Variants in IL12A observed in about 807,000 individuals in gnomAD.
IL12A encodes interleukin 12A.
In IL12A, 16 loss-of-function variants were observed where a neutral mutation model predicts 23.5. The observed-to-expected ratio is 0.68, with a 90% CI of 0.46 to 1.03. The LOEUF is 1.03. IL12A is among the 50% of genes least tolerant of loss of function. The probability of loss-of-function intolerance (pLI) is 0.00; values close to 1 mark genes in which losing one functional copy is unlikely to be tolerated. For synonymous variants in IL12A, 106 were observed against 111.5 expected, an observed-to-expected ratio of 0.95 and a Z score of 0.31; for missense variants, 275 against 307.0, an observed-to-expected ratio of 0.90 and a Z score of 0.78.
Position 159,989,151 on chromosome 3 carries a change from G to A in IL12A, c.95G>A (p.Arg32Gln), listed in dbSNP as rs1720209269. Residue 32 changes from arginine to glutamine, a missense_variant, in exon 1 of 7, where the codon CGG becomes CAG. Physicochemically the swap from Arg to Gln is conservative, Grantham distance 43. Transcript: ENST00000305579. The stretch of plus-strand genomic sequence containing the variant: ...GCTCGCCCTGTGTCCCTGCAGTGCC[G>A]GCTCAGCATGTGTCCAGCGCGCAGT... The A allele has an allele frequency of 1.2e-6, 2 of 1,611,938 alleles. No individual in the cohort carries two copies. The highest frequency in any genetic ancestry group is 1.7e-6 in the Non-Finnish European group (2 of 1,179,526).
chr3:159,995,462 T>G lies in IL12A; in HGVS notation c.665T>G (p.Phe222Cys). 6.2e-7 allele frequency: 1 copy of G among 1,607,826 alleles called. No homozygotes were observed. The highest frequency in any genetic ancestry group is 8.5e-7 in the Non-Finnish European group (1 of 1,177,560). ...AAATCCTCCCTTGAAGAACCGGATT[T>G]TTATAAAACTAAAATCAAGCTCTGC... The change falls in exon 7 of 7, where the codon TTT (phenylalanine) becomes TGT (cysteine). Residue 222 changes from phenylalanine (F) to cysteine (C), a missense_variant. By Grantham distance (205) the Phe-to-Cys change is radical (BLOSUM62 -2). Transcript: ENST00000305579.
rs775848039 is a variant in IL12A at position 159,995,573 on chromosome 3, T to G, written c.*14T>G. 1 of 1,553,134 alleles carries G rather than the reference T, an allele frequency of 6.4e-7. No homozygotes were observed. Among genetic ancestry groups the G allele is most frequent in the Admixed American group, 2.1e-5 (1 of 47,822 alleles). The stretch of plus-strand genomic sequence containing the variant: ...AATGCTTCCTAAAAAGCGAGGTCCC[T>G]CCAAACCGTTGTCATTTTTATAAAA... On this transcript the variant is annotated 3_prime_UTR_variant, in exon 7 of 7. Coordinates refer to ENST00000305579, the MANE Select transcript of IL12A (RefSeq NM_000882.4).
intron 2 of IL12A, among the ~76,000 whole-genome samples, chr3:159,991,641 T>G (rs1352066360): frequency 2.0e-5 from 3 of 152,190 alleles, no homozygotes; most frequent in African/African-American, 7.2e-5. Context: ...TGACACAAAT[T>G]TATTATCTTA....
chr3:159,993,174 C>T, intron 3 of IL12A, 49 bp downstream of exon 3: 1 of 1,014,508 alleles, frequency 9.9e-7, no homozygotes. Flanking sequence ...AAAAACTGTG[C>T]ATCAAATCTC....
At chr3:159,989,229 C>T in intron 1 of IL12A, 55 bp downstream of exon 1, 1 of 1,416,968 alleles carries the variant, frequency 7.1e-7, no homozygotes, top group East Asian at 2.3e-5. Context: ...GGGGCGGCTG[C>T]TTGGGAAGAG....
At chr3:159,990,719 G>A (rs528540465) in intron 2 of IL12A, among the ~76,000 whole-genome samples, 1 of 152,160 alleles carries the variant, frequency 6.6e-6, no homozygotes. Flanking sequence ...AGATGAAATA[G>A]CCTTGTCCCT....
intron 6 of IL12A, among the ~76,000 whole-genome samples, chr3:159,994,561 T>C (rs1720428896): frequency 6.7e-6 from 1 of 150,034 alleles, no homozygotes; most frequent in African/African-American, 2.5e-5. Flanking sequence ...AAAGTAATTG[T>C]TTTACTTTTA....
intron 2 of IL12A, 64 bp from the exon 3 acceptor site, chr3:159,992,948 G>A (rs1720368076): frequency 2.0e-6 from 2 of 979,110 alleles, no homozygotes; most frequent in African/African-American, 1.6e-5. Flanking sequence ...TGGCTTACCA[G>A]CCTTGTGGGG....
chr3:159,991,671 T>A (rs897431667), intron 2 of IL12A, among the ~76,000 whole-genome samples: 3 of 152,172 alleles, frequency 2.0e-5, no homozygotes, highest in African/African-American at 7.2e-5. Context: ...GCATCAGAAG[T>A]CCAAAATGGG....
At chr3:159,989,275 G>C (rs1720217923) in intron 1 of IL12A, 101 bp downstream of exon 1, 3 of 871,782 alleles carry the variant, frequency 3.4e-6, no homozygotes, top group South Asian at 2.9e-5. Flanking sequence ...GGAGAGACTG[G>C]AACAGCAGCA....
chr3:159,995,757 G>A lies in IL12A; in HGVS notation c.*198G>A, dbSNP rs977550602. 3.9e-5 allele frequency: 15 copies of A among 386,950 alleles called. No homozygotes were observed. The highest frequency in any genetic ancestry group is 6.4e-5 in the Non-Finnish European group (14 of 219,666). 24.0% of individuals were successfully genotyped at this position (386,950 alleles called of 1,614,324 possible). ...GTTTTCATGAATGAATTGCTAAGAA[G>A]GGAAAATATCCATCCTGAAGGTGTT... On this transcript the variant is annotated 3_prime_UTR_variant, in exon 7 of 7. Transcript: ENST00000305579.
chr3:159,994,578 TCGTGTG>T (rs1209010471), intron 6 of IL12A, among the ~76,000 whole-genome samples: 1 of 90,534 alleles, frequency 1.1e-5, no homozygotes, highest in African/African-American at 4.6e-5. Flanking sequence ...TTTATTCTTT[TCGTGTG>T]TGTGTGTGTG....
At position 159,993,475 on chromosome 3, in the gene IL12A, G is replaced by A. The variant is rs866340019; in HGVS notation, c.403G>A (p.Glu135Lys). ...GAATGAGAGTTGCCTAAATTCCAGA[G>A]AGACCTCTTTCATAACTGTAAGTCA... is the stretch of plus-strand genomic sequence containing the variant. Residue 135 changes from glutamate (E) to lysine (K), a missense_variant, in exon 4 of 7, where the codon GAG becomes AAG. Glu to Lys is a moderately conservative substitution (Grantham distance 56, BLOSUM62 1). Coordinates refer to ENST00000305579, the MANE Select transcript of IL12A (RefSeq NM_000882.4). 4.3e-6 allele frequency: 7 copies of A among 1,612,846 alleles called. No homozygotes were observed. Among genetic ancestry groups the A allele is most frequent in the Non-Finnish European group, 5.1e-6 (6 of 1,178,934 alleles).
intron 1 of IL12A, 114 bp from the exon 2 acceptor site, chr3:159,990,053 A>G: frequency 9.8e-7 from 1 of 1,019,588 alleles, no homozygotes. Flanking sequence ...AAATGGGTTG[A>G]GGGAGGTGGG....
Position 159,993,747 on chromosome 3 carries a change from T to G in IL12A, c.509T>G (p.Val170Gly). ...TATGAAGACTTGAAGATGTACCAGG[T>G]GGAGTTCAAGACCATGAATGCAAAG... Residue 170 changes from valine to glycine, a missense_variant, in exon 6 of 7, where the codon GTG becomes GGG. Physicochemically the swap from Val to Gly is moderately radical, Grantham distance 109. Coordinates refer to ENST00000305579, the MANE Select transcript of IL12A (RefSeq NM_000882.4). 6.2e-7 allele frequency: 1 copy of G among 1,614,044 alleles called. No individual in the cohort carries two copies. The highest frequency in any genetic ancestry group is 8.5e-7 in the Non-Finnish European group (1 of 1,179,924).
chr3:159,989,130 G>T lies in IL12A; in HGVS notation c.74G>T (p.Arg25Leu), dbSNP rs768957287. The change falls in exon 1 of 7, where the codon CGC becomes CTC. Residue 25 changes from arginine (R) to leucine (L), a missense_variant. Transcript: ENST00000305579. The stretch of plus-strand genomic sequence containing the variant: ...GCCACAGGTCTGCATCCAGCGGCTC[G>T]CCCTGTGTCCCTGCAGTGCCGGCTC... The T allele has an allele frequency of 6.2e-7, 1 of 1,610,580 alleles. No homozygotes were observed. Among genetic ancestry groups the T allele is most frequent in the Non-Finnish European group, 8.5e-7 (1 of 1,179,156 alleles).
Position 159,993,707 on chromosome 3 carries a change from T to A in IL12A, c.469T>A (p.Cys157Ser), listed in dbSNP as rs1424895939. The A allele has an allele frequency of 1.2e-6, 2 of 1,614,058 alleles. No homozygotes were observed. Among genetic ancestry groups the A allele is most frequent in the East Asian group, 4.5e-5 (2 of 44,900 alleles). The change falls in exon 6 of 7, where the codon TGC (cysteine) becomes AGC (serine). Residue 157 changes from cysteine (C) to serine (S), a missense_variant. Cys to Ser is a moderately radical substitution (Grantham distance 112, BLOSUM62 -1). Coordinates refer to ENST00000305579, the MANE Select transcript of IL12A (RefSeq NM_000882.4). The stretch of plus-strand genomic sequence containing the variant: ...ATCTTGTCATGTCACCCAGGCCCTG[T>A]GCCTTAGTAGTATTTATGAAGACTT...
rs929249525 is a variant in IL12A at position 159,995,946 on chromosome 3, A to T, written c.*387A>T. On this transcript the variant is annotated 3_prime_UTR_variant, in exon 7 of 7. Transcript: ENST00000305579. ...ACTTATATTTATTTATGTTATATTT[A>T]TTAAATTATTTATCAAGTGTATTTG... 6.6e-6 allele frequency: 1 copy of T among 152,322 alleles called. No homozygotes were observed. Among genetic ancestry groups the T allele is most frequent in the Middle Eastern group, 3.1e-3 (1 of 318 alleles). 9.4% of individuals were successfully genotyped at this position (152,322 alleles called of 1,614,324 possible).
At chr3:159,992,153 T>A (rs1482316301) in intron 2 of IL12A, among the ~76,000 whole-genome samples, 1 of 152,212 alleles carries the variant, frequency 6.6e-6, no homozygotes, top group Non-Finnish European at 1.5e-5. Context: ...TGCTGTTACC[T>A]CTGTCTGAAA....
Sources: allele counts gnomAD v4.1 joint callset (sites outside exome capture counted in the v4.1 genomes callset), GRCh38; gene constraint gnomAD v4.1.1; transcripts MANE v1.5; gene names NCBI Gene and HGNC (gene_info 2026-07-23, HGNC 2026-07-21).